Variants in CPT1A observed in about 807,000 individuals in gnomAD.
CPT1A encodes carnitine O-palmitoyltransferase 1, liver isoform.
In CPT1A, 64 loss-of-function variants were observed where a neutral mutation model predicts 100.8. The observed-to-expected ratio is 0.63, with a 90% CI of 0.52 to 0.78. CPT1A has a LOEUF of 0.78. CPT1A is among the 30% of genes least tolerant of loss of function. The pLI is 0.00. For synonymous variants in CPT1A, 363 were observed against 396.0 expected (o/e 0.92, Z 0.99); for missense variants, 802 against 1,034.1 (o/e 0.78, Z 3.08).
chr11:68,812,686 G>A, intron 2 of CPT1A, 110 bp from the exon 3 acceptor site: 3 of 1,323,376 alleles, frequency 2.3e-6, no homozygotes, highest in Non-Finnish European at 3.2e-6. Context: ...AGTGAGAAGA[G>A]GGTGTGGACA....
Position 68,811,630 on chromosome 11 carries a change from G to A in CPT1A, c.281+807C>T, listed in dbSNP as rs142335710. Reference sequence around the variant, plus strand: ...GCTGGGTTTGAACTCTAGCTTCCCCGCTCCCTCTTCCTGTGACTTGGGCAG... The same window carrying A: ...GCTGGGTTTGAACTCTAGCTTCCCCACTCCCTCTTCCTGTGACTTGGGCAG... On this transcript the variant is annotated intron_variant, in intron 3 of 18. Transcript: ENST00000265641. 2.4e-3 allele frequency among the ~76,000 whole-genome samples: 360 copies of A among 152,226 alleles called. 1 individual carries two copies. The highest frequency in any genetic ancestry group is 6.8e-3 in the Middle Eastern group (2 of 294).
chr11:68,842,596 C>T (rs949319680), upstream of CPT1A, among the ~76,000 whole-genome samples: 2 of 152,186 alleles, frequency 1.3e-5, no homozygotes, highest in African/African-American at 4.8e-5. Flanking sequence ...AAATGCCTCA[C>T]TTGGGGGGCT....
rs138917747 is a variant in CPT1A, at chr11:68,757,926, G to A, written c.2236-196C>T. The stretch of plus-strand genomic sequence containing the variant: ...AGGGTAAAGAGATGACAGCTGATGT[G>A]TTTGTGCGGGTGTGTTGTCGATCTA... On this transcript the variant is annotated intron_variant, in intron 18 of 18. Transcript: ENST00000265641. Among the ~76,000 whole-genome samples the A allele has an allele frequency of 6.6e-5, 10 of 152,298 alleles. No individual in the cohort carries two copies. In the East Asian group the frequency reaches 1.9e-3, roughly 29 times the overall value.
rs889632692 is a variant in CPT1A, at chr11:68,781,924, C to G, written c.1199G>C (p.Gly400Ala). ...PWARCRQAYFGRGKNKQSLDA... is the reference protein window; with the variant it reads ...PWARCRQAYFARGKNKQSLDA... ...AAGAGACTGCTTATTTTTCCCACGT[C>G]CAAAATAGGCCTGACGACACCTGGC... Residue 400 changes from glycine to alanine, a missense_variant, in exon 11 of 19, where the codon GGA (glycine) becomes GCA (alanine). Transcript: ENST00000265641. The G allele has an allele frequency of 1.7e-5, 28 of 1,614,080 alleles. No homozygotes were observed. Among genetic ancestry groups the G allele is most frequent in the Non-Finnish European group, 2.4e-5 (28 of 1,180,040 alleles).
intron 1 of CPT1A, among the ~76,000 whole-genome samples, chr11:68,827,215 C>T (rs930644572): frequency 5.3e-5 from 8 of 152,022 alleles, no homozygotes; most frequent in African/African-American, 1.9e-4. Flanking sequence ...CACCTGTAGT[C>T]CCAGCTACTT....
rs1343050824 is a variant in CPT1A at position 68,781,664 on chromosome 11, C to A, written c.1352+107G>T. The A allele has an allele frequency of 5.1e-6, 5 of 987,424 alleles. No homozygotes were observed. The African/African-American group carries it at 6.4e-5, about 13-fold the overall frequency. 61.2% of individuals were successfully genotyped at this position (987,424 alleles called of 1,614,324 possible). A position where few individuals can be genotyped will look rare whatever the true frequency, so the allele number is the denominator to read the frequency against. ...AACTGAAGGTTATATTTTTATGCCA[C>A]CTTCTTTCTTAGCATTATAGATACT... is the stretch of plus-strand genomic sequence containing the variant. On this transcript the variant is annotated intron_variant, in intron 11 of 18. Transcript: ENST00000265641.
chr11:68,801,320 G>T (rs969549223), intron 5 of CPT1A, among the ~76,000 whole-genome samples: 1 of 152,086 alleles, frequency 6.6e-6, no homozygotes, highest in Non-Finnish European at 1.5e-5. Context: ...ATTTGCAAGC[G>T]TGGGCACAGA....
Position 68,841,829 on chromosome 11 carries a change from G to A in CPT1A, c.-68C>T. 5 of 998,374 alleles carry A rather than the reference G, an allele frequency of 5.0e-6. No individual in the cohort carries two copies. The highest frequency in any genetic ancestry group is 5.9e-6 in the Non-Finnish European group (5 of 841,110). The allele number at this position is 998,374 out of a possible 1,614,324, so 61.8% of individuals were successfully genotyped here. A position where few individuals can be genotyped will look rare whatever the true frequency, so the allele number is the denominator to read the frequency against. On this transcript the variant is annotated 5_prime_UTR_variant, in exon 1 of 19. Transcript: ENST00000265641. The surrounding 1 kb of genome is among the most constrained non-coding windows in gnomAD (Gnocchi z 6.3). ...AGCGGCAGCGGCGGCGGCGGCGGCG[G>A]CGGTGGAGTGAACGAGCGGCGAGCG...
intron 3 of CPT1A, among the ~76,000 whole-genome samples, chr11:68,810,490 C>T (rs1856170915): frequency 6.6e-6 from 1 of 152,174 alleles, no homozygotes; most frequent in Non-Finnish European, 1.5e-5. Flanking sequence ...AGCCAGCGTT[C>T]CTGAGCTACC....
chr11:68,777,865 C>T (rs1855182475), intron 12 of CPT1A, among the ~76,000 whole-genome samples: 2 of 152,148 alleles, frequency 1.3e-5, no homozygotes, highest in South Asian at 4.1e-4. Flanking sequence ...GGCTATTATG[C>T]TGTGCAGAGA....
intron 3 of CPT1A, among the ~76,000 whole-genome samples, chr11:68,809,871 C>T (rs1367874245): frequency 6.6e-6 from 1 of 152,252 alleles, no homozygotes; most frequent in Non-Finnish European, 1.5e-5. Context: ...AGAGCGCCTA[C>T]ACTAGAGAGT....
In CPT1A at chr11:68,829,958, C is replaced by T. The variant is rs185037014; in HGVS notation, c.-14+11817G>A. Among the ~76,000 whole-genome samples, 51 of 152,328 alleles carry T rather than the reference C, an allele frequency of 3.3e-4. 1 individual carries two copies. In the East Asian group the frequency reaches 9.3e-3, roughly 28 times the overall value. On this transcript the variant is annotated intron_variant, in intron 1 of 18. Transcript: ENST00000265641. Reference sequence around the variant, plus strand: ...GGCTGGGGCCTGGCCTGTACCTCTGCCCCAAGTGGACACGAGCCCTGAAAG... The same window carrying T: ...GGCTGGGGCCTGGCCTGTACCTCTGTCCCAAGTGGACACGAGCCCTGAAAG...
intron 14 of CPT1A, among the ~76,000 whole-genome samples, chr11:68,769,938 A>C (rs1443505231): frequency 1.3e-5 from 2 of 151,766 alleles, no homozygotes. Context: ...AGTTTCAGCT[A>C]CTCGAGGGGC....
In CPT1A at chr11:68,792,820, G is replaced by A. The variant is rs569006714; in HGVS notation, c.967+495C>T. 2.7e-3 allele frequency among the ~76,000 whole-genome samples: 405 copies of A among 152,336 alleles called. 2 individuals are homozygous for A. The highest frequency in any genetic ancestry group is 9.3e-3 in the African/African-American group (386 of 41,578). On this transcript the variant is annotated intron_variant, in intron 9 of 18. Coordinates refer to ENST00000265641, the MANE Select transcript of CPT1A (RefSeq NM_001876.4). ...TCCCAGCACTTCGGGAGGCCGAAGC[G>A]GGCGGATCACTTGAGTCCAGGAGTT...
At chr11:68,791,734 T>C (rs535011673) in intron 9 of CPT1A, among the ~76,000 whole-genome samples, 1 of 152,128 alleles carries the variant, frequency 6.6e-6, no homozygotes, top group South Asian at 2.1e-4. Flanking sequence ...TGGGGTTTTG[T>C]AGACCAGTAG....
At chr11:68,813,675 C>G (rs1856288620) in intron 2 of CPT1A, among the ~76,000 whole-genome samples, 1 of 136,564 alleles carries the variant, frequency 7.3e-6, no homozygotes, top group Non-Finnish European at 1.5e-5. Context: ...CCACCCTGAG[C>G]AACAGAGCAA....
In CPT1A at chr11:68,812,460, T is replaced by A. The variant is rs745853758; in HGVS notation, c.258A>T (p.Lys86Asn). ...KIDPSLGIIA[K>N]INRTLETANC... Reference sequence around the variant, plus strand: ...ACGCCGTTTCCAGAGTCCGATTGATTTTTGCAATTATTCCTAACGAGGGGT... The same window carrying A: ...ACGCCGTTTCCAGAGTCCGATTGATATTTGCAATTATTCCTAACGAGGGGT... The change falls in exon 3 of 19, where the codon AAA becomes AAT. Residue 86 changes from lysine to asparagine, a missense_variant. Transcript: ENST00000265641. The A allele has an allele frequency of 8.1e-6, 13 of 1,614,182 alleles. No homozygotes were observed. The highest frequency in any genetic ancestry group is 1.1e-5 in the Non-Finnish European group (13 of 1,180,032).
chr11:68,787,731 C>T (rs931258274), intron 9 of CPT1A, among the ~76,000 whole-genome samples: 5 of 151,944 alleles, frequency 3.3e-5, no homozygotes, highest in African/African-American at 1.2e-4. Flanking sequence ...CGCCTGAGGT[C>T]AGGAGTTCGA....
chr11:68,773,577 G>T, intron 13 of CPT1A, 148 bp from the exon 14 acceptor site: 1 of 1,424,774 alleles, frequency 7.0e-7, no homozygotes. Context: ...AGAAGCCCTA[G>T]TAAGTTAGGG....
Sources: gnomAD v4.1 joint callset for allele counts (sites outside exome capture counted in the v4.1 genomes callset) on GRCh38, gnomAD v4.1.1 for gene constraint, Gnocchi (gnomAD v3.1) non-coding constraint, MANE v1.5 for transcripts, NCBI Gene and HGNC (gene_info 2026-07-23, HGNC 2026-07-21) for gene names.